The following CHMP3 variants were observed in gnomAD, a reference collection of about 807,000 sequenced individuals.
CHMP3 encodes 25.1 protein.
A neutral mutation model predicts 27.4 loss-of-function variants in CHMP3; 8 were observed. The observed-to-expected ratio is 0.29, with a 90% CI of 0.17 to 0.53. The LOEUF (loss-of-function observed/expected upper bound fraction) is 0.53, where lower values mean the gene tolerates loss of function less well. CHMP3 is among the 20% of genes least tolerant of loss of function. The pLI, the probability that CHMP3 is intolerant of heterozygous loss-of-function variation, is 0.96. For synonymous variants in CHMP3, 86 were observed against 85.5 expected, an observed-to-expected ratio of 1.01 and a Z score of -0.03; for missense variants, 208 against 271.5, an observed-to-expected ratio of 0.77 and a Z score of 1.64.
chr2:86,542,371 A>G (rs1202128239), intron 1 of CHMP3, 59 bp from the exon 2 acceptor site: 17 of 1,503,328 alleles, frequency 1.1e-5, no homozygotes, highest in Non-Finnish European at 1.5e-5. Flanking sequence ...ACTCAATCTA[A>G]TTTAAGAATT....
intron 3 of CHMP3, among the ~76,000 whole-genome samples, chr2:86,519,702 C>T (rs79543046): frequency 0.015 from 2,269 of 152,044 alleles, 65 homozygotes; most frequent in African/African-American, 0.052. Flanking sequence ...ATTTTCACTC[C>T]CTTTAAAAAT....
intron 5 of CHMP3, chr2:86,507,271 T>A: frequency 3.9e-6 from 2 of 515,888 alleles, no homozygotes; most frequent in South Asian, 2.2e-5. Flanking sequence ...TTTAAAATCA[T>A]GCAAACTCTA....
rs773404925 is a variant in CHMP3 at position 86,529,207 on chromosome 2, T to C, written c.286+11A>G. On this transcript the variant is annotated intron_variant, in intron 3 of 5. Transcript: ENST00000263856. ...CATTATGAGGTGACTGTAAGGTAAG[T>C]GCAGCCTTACCGAGCTGGTTCTTCA... 1.9e-6 allele frequency: 3 copies of C among 1,598,354 alleles called. No homozygotes were observed. The highest frequency in any genetic ancestry group is 2.6e-6 in the Non-Finnish European group (3 of 1,173,600).
chr2:86,561,209 T>A (rs920224639), intron 1 of CHMP3, among the ~76,000 whole-genome samples: 2 of 152,260 alleles, frequency 1.3e-5, no homozygotes, highest in Non-Finnish European at 2.9e-5. Flanking sequence ...GGCCTTAGAA[T>A]ACATAACCTC....
intron 2 of CHMP3, among the ~76,000 whole-genome samples, chr2:86,536,003 T>TA (rs1676120682): frequency 7.0e-6 from 1 of 143,648 alleles, no homozygotes. Flanking sequence ...TCTTTTTTTT[T>TA]TTTTTTTTTT....
chr2:86,542,992 T>A (rs532828740), intron 1 of CHMP3: 1 of 152,332 alleles, frequency 6.6e-6, no homozygotes, highest in Admixed American at 6.5e-5. Flanking sequence ...AAAAGTCAAT[T>A]TTATGCTAAA....
rs745614750 is a variant in CHMP3, at chr2:86,510,487, A to G, written c.287-8T>C. 11 of 1,611,210 alleles carry G rather than the reference A, an allele frequency of 6.8e-6. No homozygotes were observed. The highest frequency in any genetic ancestry group is 9.3e-6 in the Non-Finnish European group (11 of 1,179,988). The stretch of plus-strand genomic sequence containing the variant: ...CAGCCACTCGCAAGACCGCTGAAAG[A>G]GAATGTGTACAGTCAGGATTGTTCA... On this transcript the variant is annotated splice_region_variant and splice_polypyrimidine_tract_variant and intron_variant, in intron 3 of 5. Coordinates refer to ENST00000263856, the MANE Select transcript of CHMP3 (RefSeq NM_016079.4).
intron 2 of CHMP3, among the ~76,000 whole-genome samples, chr2:86,532,549 T>G (rs1174385715): frequency 1.3e-5 from 2 of 152,208 alleles, no homozygotes; most frequent in African/African-American, 4.8e-5. Flanking sequence ...TTTCACCATT[T>G]ATTTTGATAG....
chr2:86,518,680 C>T (rs1353278350), intron 3 of CHMP3, among the ~76,000 whole-genome samples: 1 of 152,010 alleles, frequency 6.6e-6, no homozygotes, highest in Non-Finnish European at 1.5e-5. Flanking sequence ...CTGGTTTCTG[C>T]CCACTAGATG....
chr2:86,518,463 C>T (rs1278149107), intron 3 of CHMP3, among the ~76,000 whole-genome samples: 1 of 151,294 alleles, frequency 6.6e-6, no homozygotes, highest in Admixed American at 6.6e-5. Context: ...ACTTACATGC[C>T]TCCACTTGAA....
intron 5 of CHMP3, chr2:86,507,162 C>T (rs761530245): frequency 4.5e-5 from 9 of 201,856 alleles, no homozygotes; most frequent in East Asian, 1.4e-4. Flanking sequence ...TCGCACTTGG[C>T]GAAGGCAAGG....
At chr2:86,542,155 AC>A in intron 2 of CHMP3, 96 bp downstream of exon 2, 2 of 1,283,672 alleles carry the variant, frequency 1.6e-6, no homozygotes, top group Non-Finnish European at 2.2e-6. Context: ...ATAGGAATAA[AC>A]TATGTCTTAT....
At chr2:86,553,078 T>G (rs955518202) in intron 1 of CHMP3, among the ~76,000 whole-genome samples, 1 of 151,910 alleles carries the variant, frequency 6.6e-6, no homozygotes, top group Admixed American at 6.6e-5. Context: ...GAAGAACAGC[T>G]AATGGATACT....
At chr2:86,556,133 A>C (rs889184935) in intron 1 of CHMP3, among the ~76,000 whole-genome samples, 1 of 152,264 alleles carries the variant, frequency 6.6e-6, no homozygotes, top group Admixed American at 6.5e-5. Context: ...AACATTTTTA[A>C]GATAATTCCA....
At chr2:86,538,188 G>C (rs1429025658) in intron 2 of CHMP3, among the ~76,000 whole-genome samples, 1 of 152,116 alleles carries the variant, frequency 6.6e-6, no homozygotes, top group African/African-American at 2.4e-5. Context: ...AAAATTATTT[G>C]ATTCTACTTA....
At chr2:86,550,682 C>A (rs1349699513) in intron 1 of CHMP3, among the ~76,000 whole-genome samples, 1 of 151,916 alleles carries the variant, frequency 6.6e-6, no homozygotes, top group Non-Finnish European at 1.5e-5. Context: ...ACAGTCAGCC[C>A]ACTATATCCA....
rs1573249287 is a variant in CHMP3, at chr2:86,518,570, G to A, written c.287-8091C>T. ...GTGTGAGTTGATTCCATAAATGTGG[G>A]CTGGAGTATCTCAACAACCACACTA... On this transcript the variant is annotated intron_variant, in intron 3 of 5. Coordinates refer to ENST00000263856, the MANE Select transcript of CHMP3 (RefSeq NM_016079.4). Among the ~76,000 whole-genome samples the A allele has an allele frequency of 2.6e-5, 4 of 152,244 alleles. No homozygotes were observed. The South Asian group carries it at 8.3e-4, about 32-fold the overall frequency.
intron 4 of CHMP3, among the ~76,000 whole-genome samples, chr2:86,508,642 T>G (rs994474757): frequency 6.6e-6 from 1 of 152,188 alleles, no homozygotes; most frequent in African/African-American, 2.4e-5. Flanking sequence ...ATGTAGCAGC[T>G]CCGGCCCTGG....
At chr2:86,533,937 T>A (rs1291533604) in intron 2 of CHMP3, among the ~76,000 whole-genome samples, 2 of 152,230 alleles carry the variant, frequency 1.3e-5, no homozygotes, top group Non-Finnish European at 2.9e-5. Flanking sequence ...ATTTCTTTTT[T>A]CACCCATTGG....
Sources: allele counts gnomAD v4.1 joint callset (sites outside exome capture counted in the v4.1 genomes callset), GRCh38; gene constraint gnomAD v4.1.1; transcripts MANE v1.5; gene names NCBI Gene and HGNC (gene_info 2026-07-23, HGNC 2026-07-21).